Variants in ADAM9 observed in about 807,000 individuals in gnomAD.
ADAM9 encodes ADAM metallopeptidase domain 9.
ADAM9 carries 54 observed loss-of-function variants against 108.1 expected under a neutral mutation model. That is an observed-to-expected ratio of 0.50 (90% CI 0.40 to 0.63). The LOEUF (loss-of-function observed/expected upper bound fraction) is 0.63, where lower values mean the gene tolerates loss of function less well. ADAM9 is among the 20% of genes least tolerant of loss of function. The pLI is 0.00. For synonymous variants in ADAM9, 316 were observed against 336.0 expected (o/e 0.94, Z 0.65); for missense variants, 830 against 997.7 (o/e 0.83, Z 2.26).
Position 39,104,485 on chromosome 8 carries a change from G to A in ADAM9, c.*785G>A, listed in dbSNP as rs1053414267. 2.6e-5 allele frequency: 10 copies of A among 383,208 alleles called. No homozygotes were observed. Among genetic ancestry groups the A allele is most frequent in the East Asian group, 2.2e-4 (3 of 13,724 alleles). The allele number at this position is 383,208 out of a possible 1,614,324, so 23.7% of individuals were successfully genotyped here. A position where few individuals can be genotyped will look rare whatever the true frequency, so the allele number is the denominator to read the frequency against. On this transcript the variant is annotated 3_prime_UTR_variant, in exon 22 of 22. Coordinates refer to ENST00000487273, the MANE Select transcript of ADAM9 (RefSeq NM_003816.3). ...AAATAAATTATAAGCTTTAAGGTAC[G>A]AAGTATTTAATAGATCTAATCAAAT...
chr8:39,089,410 A>G (rs1312603605), intron 18 of ADAM9, among the ~76,000 whole-genome samples: 1 of 152,236 alleles, frequency 6.6e-6, no homozygotes, highest in Admixed American at 6.5e-5. Context: ...TAATATTCTT[A>G]TAAATTGTAA....
At chr8:39,037,271 G>A (rs1444610081) in intron 11 of ADAM9, among the ~76,000 whole-genome samples, 5 of 146,268 alleles carry the variant, frequency 3.4e-5, no homozygotes, top group Admixed American at 6.8e-5. Flanking sequence ...CCGTGGTCTC[G>A]ATCTCCTGAC....
At chr8:39,093,365 A>AT (rs1156579886) in intron 20 of ADAM9, among the ~76,000 whole-genome samples, 1 of 151,712 alleles carries the variant, frequency 6.6e-6, no homozygotes, top group East Asian at 1.9e-4. Flanking sequence ...TCTAAATGGA[A>AT]TTTTTTTTCT....
intron 11 of ADAM9, among the ~76,000 whole-genome samples, chr8:39,030,138 CT>C (rs1365413513): frequency 2.6e-5 from 4 of 152,096 alleles, no homozygotes; most frequent in African/African-American, 9.7e-5. Flanking sequence ...ATGGTTCAGT[CT>C]TGGTGTTGTG....
intron 1 of ADAM9, among the ~76,000 whole-genome samples, chr8:39,004,967 T>A (rs1305622162): frequency 1.3e-5 from 2 of 152,206 alleles, no homozygotes; most frequent in Non-Finnish European, 2.9e-5. Flanking sequence ...TGTACTGACC[T>A]CCTATCTCAT....
rs771876763 is a variant in ADAM9, at chr8:39,103,749, CT to C, written c.*60del. ...ATGTCTTCAGGGAACTGAGCTAATA[CT>C]TTTTTTTTTTCTTGATGTTTTCTTG... is the stretch of plus-strand genomic sequence containing the variant. On this transcript the variant is annotated 3_prime_UTR_variant, in exon 22 of 22. Coordinates refer to ENST00000487273, the MANE Select transcript of ADAM9 (RefSeq NM_003816.3). 0.022 allele frequency: 24,220 copies of C among 1,085,242 alleles called. No homozygotes were observed. Among genetic ancestry groups the C allele is most frequent in the Non-Finnish European group, 0.024 (19,158 of 787,928 alleles). The allele number at this position is 1,085,242 out of a possible 1,614,324, so 67.2% of individuals were successfully genotyped here. A position where few individuals can be genotyped will look rare whatever the true frequency, so the allele number is the denominator to read the frequency against.
At chr8:39,085,282 C>A (rs1163468679) in intron 18 of ADAM9, among the ~76,000 whole-genome samples, 2 of 152,080 alleles carry the variant, frequency 1.3e-5, no homozygotes, top group Non-Finnish European at 2.9e-5. Context: ...TCATTTTGTG[C>A]CATTGTTGTC....
At chr8:39,014,830 A>T (rs377116315) in intron 4 of ADAM9, 6 of 182,744 alleles carry the variant, frequency 3.3e-5, no homozygotes, top group Admixed American at 1.8e-4. Context: ...AAATCTTTAG[A>T]TTAATTATTA....
rs931504671 is a variant in ADAM9, at chr8:39,055,478, T to C, written c.1396-99T>C. 54 of 1,231,270 alleles carry C rather than the reference T, an allele frequency of 4.4e-5. No homozygotes were observed. The Middle Eastern group carries it at 5.7e-4, about 13-fold the overall frequency. The allele number at this position is 1,231,270 out of a possible 1,614,324, so 76.3% of individuals were successfully genotyped here. The stretch of plus-strand genomic sequence containing the variant: ...TGGGTTATTTAATCTTTTGCTATTG[T>C]TAGAATGCTTTATAGATGTAAATGC... On this transcript the variant is annotated intron_variant, in intron 13 of 21. Transcript: ENST00000487273.
chr8:39,004,807 C>G lies in ADAM9; in HGVS notation c.98-3079C>G, dbSNP rs150403345. ...ACTGTCATGGTGCTGGTGGGAGTGT[C>G]TTTTAGCATGCTAATGTATTATAAT... is the stretch of plus-strand genomic sequence containing the variant. On this transcript the variant is annotated intron_variant, in intron 1 of 21. Transcript: ENST00000487273. 3.3e-5 allele frequency among the ~76,000 whole-genome samples: 5 copies of G among 152,280 alleles called. No homozygotes were observed. In the East Asian group the frequency reaches 9.6e-4, roughly 29 times the overall value.
At chr8:39,026,551 C>A in intron 10 of ADAM9, 126 bp from the exon 11 acceptor site, 1 of 1,189,250 alleles carries the variant, frequency 8.4e-7, no homozygotes, top group Non-Finnish European at 1.2e-6. Context: ...TTGTTGGATG[C>A]TTGATTTATC....
At chr8:39,032,954 T>C (rs1837145785) in intron 11 of ADAM9, among the ~76,000 whole-genome samples, 1 of 152,246 alleles carries the variant, frequency 6.6e-6, no homozygotes, top group Non-Finnish European at 1.5e-5. Context: ...GTTTTATCTA[T>C]ATCCACAAAC....
Position 38,997,068 on chromosome 8 carries a change from G to A in ADAM9, c.5G>A (p.Gly2Glu), listed in dbSNP as rs769951936. The change falls in exon 1 of 22, where the codon GGG (glycine) becomes GAG (glutamate). Residue 2 changes from glycine (G) to glutamate (E), a missense_variant. By Grantham distance (98) the Gly-to-Glu change is moderately conservative (BLOSUM62 -2). Coordinates refer to ENST00000487273, the MANE Select transcript of ADAM9 (RefSeq NM_003816.3). Reference protein sequence around the residue: MGSGARFPSGTL... With the variant: MESGARFPSGTL... ...GAACCTGCGGAATCGGCCGAGATGGGGTCTGGCGCGCGCTTTCCCTCGGGG... is the reference window on the plus strand; with the variant it reads ...GAACCTGCGGAATCGGCCGAGATGGAGTCTGGCGCGCGCTTTCCCTCGGGG... 19 of 1,607,540 alleles carry A rather than the reference G, an allele frequency of 1.2e-5. No individual in the cohort carries two copies. In the Admixed American group the frequency reaches 3.2e-4, roughly 27 times the overall value.
At chr8:39,026,463 C>T (rs1342141211) in intron 10 of ADAM9, among the ~76,000 whole-genome samples, 1 of 152,148 alleles carries the variant, frequency 6.6e-6, no homozygotes, top group Non-Finnish European at 1.5e-5. Context: ...AGTGGTTGAC[C>T]TCTTGCTTGA....
intron 21 of ADAM9, 124 bp downstream of exon 21, chr8:39,102,054 T>A (rs1588441165): frequency 5.9e-6 from 5 of 849,258 alleles, no homozygotes; most frequent in African/African-American, 1.7e-5. Flanking sequence ...TTTACAAGAA[T>A]ATGATTTGCA....
chr8:39,050,830 G>GTTTTTTTTTTTTTTTTTTTTTTTTTT (rs58115667), intron 12 of ADAM9, among the ~76,000 whole-genome samples: 4 of 85,190 alleles, frequency 4.7e-5, no homozygotes, highest in Non-Finnish European at 4.3e-5. Context: ...GCTTGGAAGT[G>GTTTTTTTTTTTTTTTTTTTTTTTTTT]TTTTTTTTTT....
chr8:39,066,737 C>A (rs1284521980), intron 14 of ADAM9, among the ~76,000 whole-genome samples: 1 of 152,186 alleles, frequency 6.6e-6, no homozygotes, highest in African/African-American at 2.4e-5. Flanking sequence ...TTTTGCTGTG[C>A]AGAAGCTCTT....
chr8:39,029,830 T>C (rs549427948), intron 11 of ADAM9, among the ~76,000 whole-genome samples: 23 of 152,356 alleles, frequency 1.5e-4, no homozygotes, highest in African/African-American at 5.5e-4. Context: ...GATATTGACT[T>C]ACAATTTTCT....
At chr8:39,011,820 T>A in intron 3 of ADAM9, 104 bp downstream of exon 3, 1 of 1,110,650 alleles carries the variant, frequency 9.0e-7, no homozygotes, top group Non-Finnish European at 1.4e-6. Flanking sequence ...ACCCTGGGAT[T>A]AAGCAGATTT....
Sources: allele counts gnomAD v4.1 joint callset (sites outside exome capture counted in the v4.1 genomes callset), GRCh38; gene constraint gnomAD v4.1.1; transcripts MANE v1.5; gene names NCBI Gene and HGNC (gene_info 2026-07-23, HGNC 2026-07-21).